Variants in RBFOX1 observed in about 807,000 individuals in gnomAD.
RBFOX1 encodes the protein RNA binding protein fox-1 homolog 1.
In RBFOX1, 8 loss-of-function variants were observed where a neutral mutation model predicts 57.7. The ratio of observed to expected loss-of-function variants is 0.14; its 90% CI spans 0.08 to 0.25. The LOEUF is 0.25. Among genes scored for constraint, RBFOX1 ranks in the 10% least tolerant of loss-of-function variants. The pLI, the probability that RBFOX1 is intolerant of heterozygous loss-of-function variation, is 1.00. For synonymous variants in RBFOX1, 326 were observed against 222.4 expected (o/e 1.47, Z -4.15); for missense variants, 611 against 548.5 (o/e 1.11, Z -1.14).
At chr16:6,468,245 A>G (rs937593042) in intron 2 of RBFOX1, among the ~76,000 whole-genome samples, 6 of 152,152 alleles carry the variant, frequency 3.9e-5, no homozygotes, top group Admixed American at 1.3e-4. Flanking sequence ...AAGGGCCCAC[A>G]GTTTACGTTT....
At chr16:7,453,421 C>G (rs948577919) in intron 4 of RBFOX1, among the ~76,000 whole-genome samples, 1 of 152,056 alleles carries the variant, frequency 6.6e-6, no homozygotes, top group Non-Finnish European at 1.5e-5. Flanking sequence ...CCTACATGGT[C>G]TTGCCGGCCA....
chr16:6,957,493 C>G (rs2082116568), intron 3 of RBFOX1, among the ~76,000 whole-genome samples: 1 of 152,120 alleles, frequency 6.6e-6, no homozygotes, highest in Non-Finnish European at 1.5e-5. Context: ...CTGACGTTGC[C>G]ATGGCATTTA....
intron 1 of RBFOX1, among the ~76,000 whole-genome samples, chr16:6,044,794 G>A (rs762964986): frequency 6.6e-6 from 1 of 152,232 alleles, no homozygotes; most frequent in Non-Finnish European, 1.5e-5. Context: ...TGAACTGCCT[G>A]TCTGGGACAC....
intron 4 of RBFOX1, among the ~76,000 whole-genome samples, chr16:5,918,190 G>T (rs1043413415): frequency 6.6e-6 from 1 of 152,150 alleles, no homozygotes; most frequent in Non-Finnish European, 1.5e-5. Context: ...CACAATCTCA[G>T]GTCACTGCAA....
chr16:7,447,258 C>T (rs372065340), intron 4 of RBFOX1, among the ~76,000 whole-genome samples: 1 of 151,308 alleles, frequency 6.6e-6, no homozygotes, highest in Non-Finnish European at 1.5e-5. Context: ...ATGGGGAAAC[C>T]CCCATCTCTA....
chr16:5,295,410 G>C (rs1169935831), intron 1 of RBFOX1, among the ~76,000 whole-genome samples: 6 of 152,182 alleles, frequency 3.9e-5, no homozygotes. Flanking sequence ...ATCACTGCAC[G>C]GTTTCTGTGG....
intron 3 of RBFOX1, among the ~76,000 whole-genome samples, chr16:5,823,610 C>G (rs1353061820): frequency 6.6e-6 from 1 of 152,084 alleles, no homozygotes; most frequent in South Asian, 2.1e-4. Context: ...ACAGCCACTC[C>G]CCATCACTCA....
intron 4 of RBFOX1, among the ~76,000 whole-genome samples, chr16:7,168,823 C>T (rs1477656939): frequency 6.6e-6 from 1 of 152,156 alleles, no homozygotes; most frequent in African/African-American, 2.4e-5. Flanking sequence ...ATGAATAATT[C>T]ATGCAGTCTT....
intron 13 of RBFOX1, among the ~76,000 whole-genome samples, chr16:7,672,949 T>C (rs3785203): frequency 0.43 from 64,399 of 148,836 alleles, 14,754 homozygotes; most frequent in Non-Finnish European, 0.51. Flanking sequence ...ATAAGTATTA[T>C]ATAGTAAATA....
intron 4 of RBFOX1, among the ~76,000 whole-genome samples, chr16:7,073,005 G>A (rs115488539): frequency 0.01 from 1,541 of 152,308 alleles, 30 homozygotes; most frequent in African/African-American, 0.035. Flanking sequence ...TGCAGGGTCA[G>A]GCTTTGTGAG....
intron 2 of RBFOX1, among the ~76,000 whole-genome samples, chr16:6,440,612 C>A (rs1318179026): frequency 6.6e-6 from 1 of 151,884 alleles, no homozygotes; most frequent in African/African-American, 2.4e-5. Flanking sequence ...ATCATCCTGG[C>A]CAATACGGTG....
chr16:7,241,391 G>A (rs2094051025), intron 4 of RBFOX1, among the ~76,000 whole-genome samples: 1 of 152,070 alleles, frequency 6.6e-6, no homozygotes, highest in South Asian at 2.1e-4. Flanking sequence ...TAGGATTAGG[G>A]GATTTGCAGT....
chr16:6,535,183 C>G (rs986860484), intron 2 of RBFOX1, among the ~76,000 whole-genome samples: 4 of 152,136 alleles, frequency 2.6e-5, no homozygotes, highest in African/African-American at 9.7e-5. Context: ...TGTGAGCACT[C>G]AAAGTCTCAT....
chr16:5,719,352 C>A (rs2061353966), intron 3 of RBFOX1, among the ~76,000 whole-genome samples: 1 of 151,352 alleles, frequency 6.6e-6, no homozygotes, highest in East Asian at 1.9e-4. Context: ...CAGGCACCTG[C>A]CACCATGCCC....
At chr16:7,673,700 C>T (rs1456300250) in intron 13 of RBFOX1, among the ~76,000 whole-genome samples, 1 of 152,138 alleles carries the variant, frequency 6.6e-6, no homozygotes, top group African/African-American at 2.4e-5. Flanking sequence ...GTGGTGGTGG[C>T]AACAAGATGC....
chr16:6,838,213 G>T (rs890284587), intron 3 of RBFOX1, among the ~76,000 whole-genome samples: 12 of 151,368 alleles, frequency 7.9e-5, no homozygotes, highest in African/African-American at 2.4e-4. Context: ...AGTGTGTATT[G>T]TTCCCTTCCC....
chr16:6,566,209 C>G (rs564958829), intron 2 of RBFOX1, among the ~76,000 whole-genome samples: 3 of 152,170 alleles, frequency 2.0e-5, no homozygotes, highest in Non-Finnish European at 4.4e-5. Flanking sequence ...GAAGGAGAAA[C>G]ATAATTTTTT....
chr16:6,395,144 C>T (rs1482063763), intron 2 of RBFOX1, among the ~76,000 whole-genome samples: 1 of 152,224 alleles, frequency 6.6e-6, no homozygotes, highest in Non-Finnish European at 1.5e-5. Context: ...TGGTGACATT[C>T]AGCTGGCATG....
intron 3 of RBFOX1, among the ~76,000 whole-genome samples, chr16:5,843,274 A>T (rs1343097931): frequency 6.6e-6 from 1 of 152,132 alleles, no homozygotes; most frequent in South Asian, 2.1e-4. Context: ...ATTTATTCTG[A>T]TCCTCTAACT....
Sources: allele counts gnomAD v4.1 joint callset (sites outside exome capture counted in the v4.1 genomes callset), GRCh38; gene constraint gnomAD v4.1.1; transcripts MANE v1.5; gene names NCBI Gene and HGNC (gene_info 2026-07-23, HGNC 2026-07-21).